Variants in MVP observed in about 807,000 individuals in gnomAD.
MVP encodes the protein major vault protein.
MVP carries 62 observed loss-of-function variants against 83.5 expected under a neutral mutation model. That is an observed-to-expected ratio of 0.74 (90% CI 0.61 to 0.92). The LOEUF (loss-of-function observed/expected upper bound fraction) is 0.92, where lower values mean the gene tolerates loss of function less well. MVP is among the 40% of genes least tolerant of loss of function. The pLI is 0.00. For missense variants in MVP, 1,000 were observed against 1,203.4 expected (o/e 0.83, Z 2.50); for synonymous variants, 505 against 504.1 (o/e 1.00, Z -0.02).
Position 29,840,355 on chromosome 16 carries a change from C to T in MVP, c.1087C>T (p.Leu363=), listed in dbSNP as rs1444808059. The T allele has an allele frequency of 1.2e-6, 2 of 1,607,046 alleles. No individual in the cohort carries two copies. The highest frequency in any genetic ancestry group is 1.7e-6 in the Non-Finnish European group (2 of 1,177,308). The change falls in exon 8 of 15, where the codon CTG becomes TTG. Residue 363 remains leucine (L), a synonymous_variant. Coordinates refer to ENST00000357402, the MANE Select transcript of MVP (RefSeq NM_005115.5). Reference sequence around the variant, plus strand: ...GGACCACTGGCTCATCCGCGGACCCCTGGAGTATGTGCCATCTGCCAAAGT... The same window carrying T: ...GGACCACTGGCTCATCCGCGGACCCTTGGAGTATGTGCCATCTGCCAAAGT... ...AGDHWLIRGP[L]EYVPSAKVEV...
At chr16:29,839,396 G>A (rs2067514441) in intron 7 of MVP, among the ~76,000 whole-genome samples, 1 of 152,076 alleles carries the variant, frequency 6.6e-6, no homozygotes, top group Non-Finnish European at 1.5e-5. Context: ...GTGATGGTTG[G>A]ACAACTTTGA....
In MVP at chr16:29,836,914, G is replaced by A. The variant is rs751070897; in HGVS notation, c.865G>A (p.Gly289Arg). ...CTACTGCGTGATTCTCGACCCTGTC[G>A]GACCGGATGGCAAGAATCAGCTGGG... ...HNYCVILDPV[G>R]PDGKNQLGQK... The change falls in exon 7 of 15, where the codon GGA becomes AGA. Residue 289 changes from glycine (G) to arginine (R), a missense_variant. By Grantham distance (125) the Gly-to-Arg change is moderately radical. Transcript: ENST00000357402. 4.2e-5 allele frequency: 67 copies of A among 1,613,804 alleles called. No homozygotes were observed. Among genetic ancestry groups the A allele is most frequent in the Non-Finnish European group, 5.3e-5 (62 of 1,179,936 alleles).
Position 29,841,797 on chromosome 16 carries a change from A to C in MVP, c.1393A>C (p.Asn465His). The change falls in exon 9 of 15, where the codon AAC becomes CAC. Residue 465 changes from asparagine to histidine, a missense_variant. Transcript: ENST00000357402. The surrounding 1 kb of genome is among the most constrained non-coding windows in gnomAD (Gnocchi z 4.7). ...TGTGGTCAGCTACCGCGTGCCCCAC[A>C]ACGCTGCGGTGCAGGTGTACGACTA... ...TRVVSYRVPH[N>H]AAVQVYDYRE... is the part of the protein sequence containing the mutation. 6.2e-7 allele frequency: 1 copy of C among 1,613,032 alleles called. No individual in the cohort carries two copies. The highest frequency in any genetic ancestry group is 8.5e-7 in the Non-Finnish European group (1 of 1,180,018).
chr16:29,835,745 G>A lies in MVP; in HGVS notation c.619G>A (p.Ala207Thr). 6.2e-7 allele frequency: 1 copy of A among 1,614,044 alleles called. No individual in the cohort carries two copies. Among genetic ancestry groups the A allele is most frequent in the Non-Finnish European group, 8.5e-7 (1 of 1,180,012 alleles). The change falls in exon 6 of 15, where the codon GCG becomes ACG. Residue 207 changes from alanine to threonine, a missense_variant. By Grantham distance (58) the Ala-to-Thr change is moderately conservative. Coordinates refer to ENST00000357402, the MANE Select transcript of MVP (RefSeq NM_005115.5). ...CACCACAGTAGGGGCGTACCTCCCA[G>A]CGGTGTTTGAGGAGGTTCTGGATTT... ...LVTTVGAYLPAVFEEVLDLVD... is the reference protein window; with the variant it reads ...LVTTVGAYLPTVFEEVLDLVD...
intron 10 of MVP, among the ~76,000 whole-genome samples, chr16:29,843,778 T>G (rs1309186155): frequency 6.6e-6 from 1 of 152,086 alleles, no homozygotes; most frequent in Non-Finnish European, 1.5e-5. Context: ...TCCCAGCTTG[T>G]AGTCCCAGCT....
rs1461980011 is a variant in MVP at position 29,830,523 on chromosome 16, T to C, written c.-27T>C. The C allele has an allele frequency of 6.2e-7, 1 of 1,612,254 alleles. No individual in the cohort carries two copies. The highest frequency in any genetic ancestry group is 1.1e-5 in the South Asian group (1 of 90,898). On this transcript the variant is annotated 5_prime_UTR_variant, in exon 2 of 15. Coordinates refer to ENST00000357402, the MANE Select transcript of MVP (RefSeq NM_005115.5). ...TCTCCCCCACCTACCAGTCATCTTC[T>C]TGTGAGCCCTGGGCTTAGGAGTCAC...
At chr16:29,840,155 C>T (rs1250202031) in intron 7 of MVP, 23 bp from the exon 8 acceptor site, 1 of 1,583,688 alleles carries the variant, frequency 6.3e-7, no homozygotes, top group African/African-American at 1.3e-5. Context: ...GGCACTGACC[C>T]TAACCTCACG....
intron 10 of MVP, among the ~76,000 whole-genome samples, chr16:29,843,403 G>A (rs1029851970): frequency 3.3e-5 from 5 of 150,808 alleles, no homozygotes; most frequent in Non-Finnish European, 7.4e-5. Context: ...GCTGAGGTGG[G>A]AAAATTGCCT....
chr16:29,834,226 A>G, intron 5 of MVP, 160 bp downstream of exon 5: 1 of 981,536 alleles, frequency 1.0e-6, no homozygotes, highest in Non-Finnish European at 1.5e-6. Context: ...TTCCTTCCCC[A>G]CCCCCGCTTC....
intron 1 of MVP, chr16:29,822,722 GTGTTTT>G (rs929475750): frequency 2.0e-5 from 3 of 152,146 alleles, no homozygotes; most frequent in Non-Finnish European, 4.4e-5. Flanking sequence ...AATCGGAGCT[GTGTTTT>G]TGTTTTTGAG....
Position 29,844,484 on chromosome 16 carries a change from TGTTCACAG to T in MVP, c.1635-7_1635del. ...GCAGCTTCCCCATTCTGGGCCTGTT[TGTTCACAG>T]GCACTTTGAGGTGAATGACCGGAAG... On this transcript the variant is annotated splice_acceptor_variant and splice_polypyrimidine_tract_variant and intron_variant, in intron 10 of 14. Transcript: ENST00000357402. LOFTEE classifies it high-confidence loss of function. 1 of 1,527,228 alleles carries T rather than the reference TGTTCACAG, an allele frequency of 6.5e-7. No homozygotes were observed. Among genetic ancestry groups the T allele is most frequent in the South Asian group, 1.3e-5 (1 of 76,156 alleles). 94.6% of individuals were successfully genotyped at this position (1,527,228 alleles called of 1,614,324 possible).
At chr16:29,838,770 T>G (rs921060002) in intron 7 of MVP, among the ~76,000 whole-genome samples, 4 of 152,144 alleles carry the variant, frequency 2.6e-5, no homozygotes, top group Non-Finnish European at 5.9e-5. Context: ...GAGTGTATAG[T>G]GAGCTATGAT....
Position 29,844,725 on chromosome 16 carries a change from C to G in MVP, c.1867C>G (p.Arg623Gly). 6.2e-7 allele frequency: 1 copy of G among 1,613,420 alleles called. No individual in the cohort carries two copies. Among genetic ancestry groups the G allele is most frequent in the Non-Finnish European group, 8.5e-7 (1 of 1,179,988 alleles). The change falls in exon 11 of 15, where the codon CGG (arginine) becomes GGG (glycine). Residue 623 changes from arginine (R) to glycine (G), a missense_variant. By Grantham distance (125) the Arg-to-Gly change is moderately radical. Transcript: ENST00000357402. ...GPDGMALPRP[R>G]DQAVFPQNGL... ...CGATGGCATGGCCCTGCCCAGGCCC[C>G]GGGACCAGGCTGTCTTCCCCCAAAA...
chr16:29,841,546 T>TCCTCCCTTCCACCCTTACGGGCAGCTTC lies in MVP; in HGVS notation c.1192-42_1192-15dup. 6.6e-7 allele frequency: 1 copy of TCCTCCCTTCCACCCTTACGGGCAGCTTC among 1,523,602 alleles called. No homozygotes were observed. The highest frequency in any genetic ancestry group is 1.3e-5 in the South Asian group (1 of 76,752). 94.4% of individuals were successfully genotyped at this position (1,523,602 alleles called of 1,614,324 possible). A position where few individuals can be genotyped will look rare whatever the true frequency, so the allele number is the denominator to read the frequency against. On this transcript the variant is annotated intron_variant, in intron 8 of 14. Coordinates refer to ENST00000357402, the MANE Select transcript of MVP (RefSeq NM_005115.5). This position sits in a 1 kb window ranked among gnomAD's most constrained non-coding sequence, Gnocchi z 4.7. Reference sequence around the variant, plus strand: ...TGCTTTGGGACAGCTGGGCGGATCTTCCTCCCTTCCACCCTTACGGGCAGC... The same window carrying TCCTCCCTTCCACCCTTACGGGCAGCTTC: ...TGCTTTGGGACAGCTGGGCGGATCTTCCTCCCTTCCACCCTTACGGGCAGCTTCCCTCCCTTCCACCCTTACGGGCAGC...
chr16:29,828,842 G>C (rs2067421057), intron 1 of MVP, among the ~76,000 whole-genome samples: 1 of 152,180 alleles, frequency 6.6e-6, no homozygotes, highest in Admixed American at 6.6e-5. Flanking sequence ...AATTCTTCAA[G>C]TGAATCAGGA....
chr16:29,835,315 G>A (rs2150754887), intron 5 of MVP: 1 of 159,696 alleles, frequency 6.3e-6, no homozygotes, highest in African/African-American at 2.4e-5. Context: ...GCAACATGGT[G>A]AAACACCATC....
rs992914240 is a variant in MVP, at chr16:29,839,409, A to G, written c.910-769A>G. ...CAGTGATGGTTGGACAACTTTGAGTATACTAAAACAACTGAATTGTGAATT... is the reference window on the plus strand; with the variant it reads ...CAGTGATGGTTGGACAACTTTGAGTGTACTAAAACAACTGAATTGTGAATT... On this transcript the variant is annotated intron_variant, in intron 7 of 14. Transcript: ENST00000357402. Among the ~76,000 whole-genome samples the G allele has an allele frequency of 2.6e-5, 4 of 152,168 alleles. No homozygotes were observed. In the East Asian group the frequency reaches 7.7e-4, roughly 29 times the overall value.
chr16:29,822,086 TG>T (rs1335637709), intron 1 of MVP, among the ~76,000 whole-genome samples: 1 of 148,350 alleles, frequency 6.7e-6, no homozygotes. Context: ...GTTGGGGTTT[TG>T]TTTTTTTTTT....
chr16:29,841,667 C>T lies in MVP; in HGVS notation c.1263C>T (p.Pro421=), dbSNP rs144709938. ...TCCTGTGGGAGAAAGAGCTGCCTCC[C>T]GGGGTGGAGGAGCTGCTGAACAAGG... ...DEVLWEKELP[P]GVEELLNKGQ... Residue 421 remains proline (P), a synonymous_variant, in exon 9 of 15, where the codon CCC becomes CCT. Transcript: ENST00000357402. This position sits in a 1 kb window ranked among gnomAD's most constrained non-coding sequence, Gnocchi z 4.7. 1,377 of 1,611,588 alleles carry T rather than the reference C, an allele frequency of 8.5e-4. 2 individuals carry two copies. Among genetic ancestry groups the T allele is most frequent in the Non-Finnish European group, 7.7e-4 (910 of 1,179,228 alleles).
Sources: allele counts gnomAD v4.1 joint callset (sites outside exome capture counted in the v4.1 genomes callset), GRCh38; gene constraint gnomAD v4.1.1; non-coding constraint Gnocchi (gnomAD v3.1); transcripts MANE v1.5; gene names NCBI Gene and HGNC (gene_info 2026-07-23, HGNC 2026-07-21).